The following MAP2K3 variants were observed in gnomAD, a reference collection of about 807,000 sequenced individuals.
MAP2K3 encodes the protein dual specificity mitogen-activated protein kinase kinase 3.
MAP2K3 carries 30 observed loss-of-function variants against 46.4 expected under a neutral mutation model. That is an observed-to-expected ratio of 0.65 (90% CI 0.48 to 0.88). The LOEUF is 0.88. Among genes scored for constraint, MAP2K3 ranks in the 40% least tolerant of loss-of-function variants. MAP2K3 has a pLI of 0.00. For synonymous variants in MAP2K3, 189 were observed against 176.3 expected (o/e 1.07, Z -0.57); for missense variants, 380 against 464.5 (o/e 0.82, Z 1.67).
intron 5 of MAP2K3, 77 bp from the exon 6 acceptor site, chr17:21,302,066 G>A: frequency 1.4e-6 from 2 of 1,429,192 alleles, no homozygotes; most frequent in Non-Finnish European, 2.0e-6. Flanking sequence ...GCTGGGGCTG[G>A]TGCTGGGGCA....
At chr17:21,298,711 C>T (rs1290729762) in intron 2 of MAP2K3, among the ~76,000 whole-genome samples, 167 bp from the exon 3 acceptor site, 5 of 152,302 alleles carry the variant, frequency 3.3e-5, no homozygotes, top group African/African-American at 1.2e-4. Context: ...CCGTGCCCAG[C>T]TCAGTGTAGA....
chr17:21,308,791 G>A (rs968066051), intron 9 of MAP2K3, among the ~76,000 whole-genome samples: 3 of 151,918 alleles, frequency 2.0e-5, no homozygotes, highest in African/African-American at 7.3e-5. Context: ...CACACCCTAT[G>A]TCCCTTCCCC....
chr17:21,311,835 C>T (rs1597505895), intron 9 of MAP2K3: 2 of 248,198 alleles, frequency 8.1e-6, no homozygotes, highest in Non-Finnish European at 1.5e-5. Context: ...GCAGCTGGAA[C>T]CTGCATTGTT....
In MAP2K3 at chr17:21,284,885, A is replaced by C; in HGVS notation, c.-36A>C. 2.5e-6 allele frequency: 4 copies of C among 1,610,116 alleles called. No homozygotes were observed. Among genetic ancestry groups the C allele is most frequent in the Non-Finnish European group, 2.5e-6 (3 of 1,178,610 alleles). On this transcript the variant is annotated 5_prime_UTR_variant, in exon 1 of 12. Transcript: ENST00000342679. ...CCCGGTGGAGCCCGCAGTCCTCTAG[A>C]TTAGTCTCCACCGCCGTCCAGGACC...
In MAP2K3 at chr17:21,298,796, G is replaced by A. The variant is rs538948236; in HGVS notation, c.117-82G>A. 3.7e-6 allele frequency: 6 copies of A among 1,603,660 alleles called. No homozygotes were observed. The South Asian group carries it at 4.4e-5, about 12-fold the overall frequency. On this transcript the variant is annotated intron_variant, in intron 2 of 11. Transcript: ENST00000342679. ...AGGAGGCACCTCGTCCCCACGCCAG[G>A]CCCCACACTGGCCCATCTACTGCTG... is the stretch of plus-strand genomic sequence containing the variant.
chr17:21,299,223 G>A (rs1297920541), intron 3 of MAP2K3, among the ~76,000 whole-genome samples: 3 of 152,296 alleles, frequency 2.0e-5, no homozygotes, highest in African/African-American at 7.2e-5. Context: ...CTAGGGGAGA[G>A]TATTGAACAT....
intron 9 of MAP2K3, among the ~76,000 whole-genome samples, chr17:21,309,532 A>G (rs1226158420): frequency 6.6e-6 from 1 of 151,862 alleles, no homozygotes; most frequent in Non-Finnish European, 1.5e-5. Context: ...ATTGTGCATT[A>G]TATTATATAT....
intron 9 of MAP2K3, among the ~76,000 whole-genome samples, chr17:21,308,864 G>A (rs1977028563): frequency 1.3e-5 from 2 of 152,240 alleles, no homozygotes; most frequent in Non-Finnish European, 2.9e-5. Flanking sequence ...ATGGCTAGTG[G>A]CCTTCTGATA....
At chr17:21,309,572 C>T (rs1222974142) in intron 9 of MAP2K3, among the ~76,000 whole-genome samples, 6 of 151,428 alleles carry the variant, frequency 4.0e-5, no homozygotes, top group Non-Finnish European at 7.4e-5. Flanking sequence ...TAATAAAATA[C>T]GTTTTATTAA....
chr17:21,287,669 C>T lies in MAP2K3; in HGVS notation c.49+2700C>T, dbSNP rs546805415. ...CTGGGGTTAGAGGCCAAGTGGCTGG[C>T]GCTGGGGCCAGTGGGTGGGGGCATG... is the stretch of plus-strand genomic sequence containing the variant. On this transcript the variant is annotated intron_variant, in intron 1 of 11. Coordinates refer to ENST00000342679, the MANE Select transcript of MAP2K3 (RefSeq NM_145109.3). 1.2e-4 allele frequency among the ~76,000 whole-genome samples: 18 copies of T among 152,352 alleles called. No homozygotes were observed. In the South Asian group the frequency reaches 3.1e-3, roughly 26 times the overall value.
intron 1 of MAP2K3, chr17:21,295,820 C>G (rs982475587): frequency 7.8e-7 from 1 of 1,289,736 alleles, no homozygotes; most frequent in Non-Finnish European, 1.0e-6. Context: ...ACAACATTCC[C>G]AAATCCCAAG....
chr17:21,288,876 G>A (rs982901031), intron 1 of MAP2K3, among the ~76,000 whole-genome samples: 1 of 152,252 alleles, frequency 6.6e-6, no homozygotes, highest in East Asian at 1.9e-4. Context: ...TCGAATCCTG[G>A]CTCCACTACT....
chr17:21,296,152 C>A, intron 1 of MAP2K3: 1 of 1,289,646 alleles, frequency 7.8e-7, no homozygotes. Flanking sequence ...GCAGTGAACC[C>A]TGTGCTGAGC....
chr17:21,304,027 G>T (rs1211848587), intron 7 of MAP2K3, among the ~76,000 whole-genome samples: 2 of 151,742 alleles, frequency 1.3e-5, no homozygotes, highest in East Asian at 3.9e-4. Context: ...GTCCAAACAC[G>T]CAGATCCTGC....
chr17:21,290,566 GC>G (rs1252670448), intron 1 of MAP2K3, among the ~76,000 whole-genome samples: 1 of 152,306 alleles, frequency 6.6e-6, no homozygotes, highest in African/African-American at 2.4e-5. Context: ...AGTCCAGGGA[GC>G]CCCTAGGTAC....
At chr17:21,289,489 G>T (rs1567656686) in intron 1 of MAP2K3, among the ~76,000 whole-genome samples, 1 of 152,202 alleles carries the variant, frequency 6.6e-6, no homozygotes, top group Non-Finnish European at 1.5e-5. Flanking sequence ...CCAGTGTCTT[G>T]GGAGGGTCCC....
chr17:21,291,867 C>G (rs1161906775), intron 1 of MAP2K3: 1 of 332,232 alleles, frequency 3.0e-6, no homozygotes, highest in Admixed American at 4.3e-5. Context: ...CTTTACAACT[C>G]CGGACCCTTG....
chr17:21,302,009 G>T, intron 5 of MAP2K3, 134 bp from the exon 6 acceptor site: 1 of 866,450 alleles, frequency 1.2e-6, no homozygotes. Context: ...TGGGAGCCCG[G>T]TGAACTGTGG....
chr17:21,314,420 C>T lies in MAP2K3; in HGVS notation c.*190C>T. On this transcript the variant is annotated 3_prime_UTR_variant, in exon 12 of 12. Coordinates refer to ENST00000342679, the MANE Select transcript of MAP2K3 (RefSeq NM_145109.3). ...GTGCCAAAGAAGCAGACCATTGGGG[C>T]TCCCAGCCAGGCCCTTGTCGGCCCC... 2 of 602,430 alleles carry T rather than the reference C, an allele frequency of 3.3e-6. No individual in the cohort carries two copies. Among genetic ancestry groups the T allele is most frequent in the South Asian group, 1.9e-5 (1 of 52,332 alleles). 37.3% of individuals were successfully genotyped at this position (602,430 alleles called of 1,614,324 possible).
Sources: gnomAD v4.1 joint callset for allele counts (sites outside exome capture counted in the v4.1 genomes callset) on GRCh38, gnomAD v4.1.1 for gene constraint, MANE v1.5 for transcripts, NCBI Gene and HGNC (gene_info 2026-07-23, HGNC 2026-07-21) for gene names.